Variants in CLEC16A observed in about 807,000 individuals in gnomAD.
The protein encoded by CLEC16A is C-type lectin domain containing 16A, also known as protein CLEC16A.
In CLEC16A, 51 loss-of-function variants were observed where a neutral mutation model predicts 109.5. The ratio of observed to expected loss-of-function variants is 0.47; its 90% CI spans 0.37 to 0.59. The LOEUF is 0.59. CLEC16A is among the 20% of genes least tolerant of loss of function. The pLI is 0.00. For synonymous variants in CLEC16A, 673 were observed against 564.2 expected (o/e 1.19, Z -2.73); for missense variants, 1,339 against 1,394.0 (o/e 0.96, Z 0.63).
intron 16 of CLEC16A, among the ~76,000 whole-genome samples, chr16:11,045,584 C>T (rs550391699): frequency 3.9e-4 from 59 of 152,212 alleles, no homozygotes; most frequent in African/African-American, 1.3e-3. Flanking sequence ...TCAGGCCTTG[C>T]CAGCCTCATG....
chr16:11,160,767 A>G (rs1317237487), intron 22 of CLEC16A, among the ~76,000 whole-genome samples: 1 of 152,214 alleles, frequency 6.6e-6, no homozygotes, highest in East Asian at 1.9e-4. Context: ...AGAGATACAC[A>G]AAGACGTCAG....
chr16:10,990,387 T>A (rs9930004), intron 10 of CLEC16A, among the ~76,000 whole-genome samples: 13,723 of 152,244 alleles, frequency 0.09, 2,055 homozygotes, highest in African/African-American at 0.31. Context: ...TGAGAAACAG[T>A]TGCGTCTCTC....
At chr16:11,111,796 T>C (rs181426018) in intron 19 of CLEC16A, among the ~76,000 whole-genome samples, 1 of 152,386 alleles carries the variant, frequency 6.6e-6, no homozygotes, top group East Asian at 1.9e-4. Flanking sequence ...TTTTCATGTT[T>C]ACCTTAATGA....
Position 11,042,347 on chromosome 16 carries a change from A to G in CLEC16A, c.1754A>G (p.His585Arg). ...MSAGCIMKDV[H>R]LACLEGAREE... ...GCTGGCTGCATCATGAAGGACGTGC[A>G]CCTGGCCTGCCTGGAGGTAACGCCC... Residue 585 changes from histidine to arginine, a missense_variant, in exon 15 of 24, where the codon CAC (histidine) becomes CGC (arginine). His to Arg is a conservative substitution (Grantham distance 29). This residue lies in a region of CLEC16A where 1,061 missense variants were observed against 1,006.8 expected (regional missense o/e 1.05). Coordinates refer to ENST00000409790, the MANE Select transcript of CLEC16A (RefSeq NM_015226.3). 1 of 1,586,380 alleles carries G rather than the reference A, an allele frequency of 6.3e-7. No homozygotes were observed. Among genetic ancestry groups the G allele is most frequent in the South Asian group, 1.2e-5 (1 of 86,570 alleles).
chr16:11,082,195 C>T (rs1247857984), intron 19 of CLEC16A, among the ~76,000 whole-genome samples: 1 of 152,192 alleles, frequency 6.6e-6, no homozygotes, highest in East Asian at 1.9e-4. Flanking sequence ...ACTGTGTGCA[C>T]ACGTGAGTGT....
chr16:11,001,847 G>A (rs2044688906), intron 10 of CLEC16A, among the ~76,000 whole-genome samples: 2 of 152,118 alleles, frequency 1.3e-5, no homozygotes, highest in East Asian at 1.9e-4. Flanking sequence ...CCTCTGGGGC[G>A]AGCTGATCTT....
At chr16:10,992,633 C>G (rs1417644525) in intron 10 of CLEC16A, among the ~76,000 whole-genome samples, 2 of 151,942 alleles carry the variant, frequency 1.3e-5, no homozygotes, top group Admixed American at 6.6e-5. Flanking sequence ...CATTTTCTGA[C>G]ATGAGCAGAA....
chr16:11,166,515 C>T lies in CLEC16A; in HGVS notation c.2769C>T (p.Ser923=). ...STSHCDSGGT[S]SSSTPSTAQS... is the part of the protein sequence containing the mutation. ...GCCACTGCGACTCTGGAGGCACCAG[C>T]TCGTCCTCCACCCCCTCCACAGCCC... is the stretch of plus-strand genomic sequence containing the variant. The change falls in exon 23 of 24, where the codon AGC becomes AGT. Residue 923 remains serine, a synonymous_variant. Coordinates refer to ENST00000409790, the MANE Select transcript of CLEC16A (RefSeq NM_015226.3). The T allele has an allele frequency of 6.2e-7, 1 of 1,608,528 alleles. No homozygotes were observed.
chr16:11,160,994 C>T lies in CLEC16A; in HGVS notation c.2642-5394C>T, dbSNP rs191149652. Among the ~76,000 whole-genome samples, 10 of 152,306 alleles carry T rather than the reference C, an allele frequency of 6.6e-5. 1 individual carries two copies. Among genetic ancestry groups the T allele is most frequent in the East Asian group, 5.8e-4 (3 of 5,180 alleles). On this transcript the variant is annotated intron_variant, in intron 22 of 23. Coordinates refer to ENST00000409790, the MANE Select transcript of CLEC16A (RefSeq NM_015226.3). ...TGGTCACAACTTAGTCACTTGGCCA[C>T]GACTAGCTTCTGGGTTCTGTAACTG...
intron 13 of CLEC16A, among the ~76,000 whole-genome samples, chr16:11,038,619 C>A (rs2047154811): frequency 6.6e-6 from 1 of 152,122 alleles, no homozygotes; most frequent in African/African-American, 2.4e-5. Flanking sequence ...TTACCTTCCC[C>A]ACCCCCATCT....
chr16:10,998,960 GCTAA>G (rs1344922842), intron 10 of CLEC16A, among the ~76,000 whole-genome samples: 3 of 152,176 alleles, frequency 2.0e-5, no homozygotes, highest in African/African-American at 7.2e-5. Context: ...GCCTCTGCAT[GCTAA>G]CTGTGATGTT....
intron 19 of CLEC16A, among the ~76,000 whole-genome samples, chr16:11,098,478 C>T (rs147514194): frequency 3.3e-5 from 5 of 152,338 alleles, no homozygotes; most frequent in South Asian, 2.1e-4. Context: ...AGTAAGGAGA[C>T]GTGGGGTCCC....
At chr16:10,989,561 T>C (rs566569533) in intron 10 of CLEC16A, among the ~76,000 whole-genome samples, 4 of 152,190 alleles carry the variant, frequency 2.6e-5, no homozygotes, top group Non-Finnish European at 5.9e-5. Flanking sequence ...TAACTGCTAA[T>C]GTGGGTTCAT....
intron 19 of CLEC16A, among the ~76,000 whole-genome samples, chr16:11,089,500 T>C (rs571620438): frequency 1.3e-4 from 20 of 152,262 alleles, no homozygotes; most frequent in African/African-American, 4.8e-4. Flanking sequence ...AGCTGTGAAA[T>C]TGCTCAAATT....
At chr16:11,116,055 C>T (rs991262077) in intron 19 of CLEC16A, among the ~76,000 whole-genome samples, 3 of 151,804 alleles carry the variant, frequency 2.0e-5, no homozygotes, top group African/African-American at 7.3e-5. Flanking sequence ...CCCGGCTGGA[C>T]TGTTGGGAAA....
intron 16 of CLEC16A, among the ~76,000 whole-genome samples, chr16:11,044,834 G>C (rs1784379368): frequency 6.6e-6 from 1 of 150,790 alleles, no homozygotes; most frequent in South Asian, 2.1e-4. Context: ...GCTGAGGCAA[G>C]AGAATCACTT....
intron 2 of CLEC16A, among the ~76,000 whole-genome samples, chr16:10,958,982 T>C (rs1228760743): frequency 6.6e-6 from 1 of 151,222 alleles, no homozygotes; most frequent in East Asian, 1.9e-4. Flanking sequence ...GCAGAAGGAT[T>C]TGGGGCTGGG....
intron 22 of CLEC16A, among the ~76,000 whole-genome samples, chr16:11,137,389 G>C (rs1184322622): frequency 6.6e-6 from 1 of 151,924 alleles, no homozygotes; most frequent in Non-Finnish European, 1.5e-5. Context: ...TCTCTGACTA[G>C]CTCAAAGACA....
chr16:11,056,676 A>G (rs1344101386), intron 18 of CLEC16A: 1 of 152,168 alleles, frequency 6.6e-6, no homozygotes, highest in South Asian at 2.1e-4. Flanking sequence ...GAAATAGAAT[A>G]TTTTGCTTTA....
Sources: gnomAD v4.1 joint callset for allele counts (sites outside exome capture counted in the v4.1 genomes callset) on GRCh38, gnomAD v4.1.1 for gene constraint, gnomAD v4.1.1 regional missense constraint, MANE v1.5 for transcripts, NCBI Gene and HGNC (gene_info 2026-07-23, HGNC 2026-07-21) for gene names.